Variants in PRPF38B observed in about 807,000 individuals in gnomAD.
PRPF38B encodes pre-mRNA-splicing factor 38B.
In PRPF38B, 18 loss-of-function variants were observed where a neutral mutation model predicts 67.2. That is an observed-to-expected ratio of 0.27 (90% CI 0.19 to 0.40). PRPF38B has a LOEUF of 0.40. Among genes scored for constraint, PRPF38B ranks in the 10% least tolerant of loss-of-function variants. The pLI is 1.00. For synonymous variants in PRPF38B, 246 were observed against 234.2 expected, an observed-to-expected ratio of 1.05 and a Z score of -0.46; for missense variants, 544 against 684.9, an observed-to-expected ratio of 0.79 and a Z score of 2.30.
chr1:108,692,890 C>T (rs1006219042), intron 1 of PRPF38B, 23 bp downstream of exon 1: 2 of 1,594,988 alleles, frequency 1.3e-6, no homozygotes, highest in Admixed American at 1.7e-5. Flanking sequence ...TAGGCCTTGG[C>T]TTTGGGGGTA....
chr1:108,696,996 G>A, intron 4 of PRPF38B: 2 of 503,494 alleles, frequency 4.0e-6, no homozygotes, highest in Admixed American at 3.7e-5. Context: ...TGCATTGGCT[G>A]GGCGTGGTGG....
At chr1:108,694,670 A>G (rs563890433) in intron 1 of PRPF38B, among the ~76,000 whole-genome samples, 2 of 152,348 alleles carry the variant, frequency 1.3e-5, no homozygotes, top group South Asian at 2.1e-4. Context: ...TTTTCTATCT[A>G]AAGCCATTGT....
Position 108,698,781 on chromosome 1 carries a change from G to A in PRPF38B, c.736G>A (p.Glu246Lys). ...RPRKIKKDGK[E>K]GAEEIDRHVE... The stretch of plus-strand genomic sequence containing the variant: ...TAGAAAAATCAAGAAAGATGGGAAG[G>A]AAGGTGCTGAGGAAATAGACAGACA... The change falls in exon 5 of 6, where the codon GAA (glutamate) becomes AAA (lysine). Residue 246 changes from glutamate to lysine, a missense_variant. Physicochemically the swap from Glu to Lys is moderately conservative, Grantham distance 56. This residue lies in a region of PRPF38B where 387 missense variants were observed against 386.1 expected (regional missense o/e 1.00). Coordinates refer to ENST00000370025, the MANE Select transcript of PRPF38B (RefSeq NM_018061.4). 6.2e-7 allele frequency: 1 copy of A among 1,613,920 alleles called. No homozygotes were observed. Among genetic ancestry groups the A allele is most frequent in the Non-Finnish European group, 8.5e-7 (1 of 1,179,886 alleles).
At chr1:108,695,906 G>A in intron 2 of PRPF38B, 136 bp downstream of exon 2, 1 of 1,349,152 alleles carries the variant, frequency 7.4e-7, no homozygotes, top group East Asian at 2.4e-5. Context: ...AGTGAAATAG[G>A]GTTAGAAAAG....
chr1:108,702,286 C>T lies in PRPF38B; in HGVS notation c.*2266C>T, dbSNP rs1022267113. On this transcript the variant is annotated 3_prime_UTR_variant, in exon 6 of 6. Transcript: ENST00000370025. ...GACCACAGGTGCATGCTAGCACACC[C>T]GGCTAATTTGTATTTTTGGTAGGGT... is the stretch of plus-strand genomic sequence containing the variant. 1.3e-5 allele frequency among the ~76,000 whole-genome samples: 2 copies of T among 152,084 alleles called. No homozygotes were observed. The highest frequency in any genetic ancestry group is 2.9e-5 in the Non-Finnish European group (2 of 68,014).
At chr1:108,694,759 G>GT (rs1659693180) in intron 1 of PRPF38B, among the ~76,000 whole-genome samples, 1 of 149,632 alleles carries the variant, frequency 6.7e-6, no homozygotes, top group Admixed American at 6.6e-5. Context: ...TTTTTTTTAT[G>GT]TTTTTAAAAA....
chr1:108,701,968 G>A lies in PRPF38B; in HGVS notation c.*1948G>A, dbSNP rs1386105367. The stretch of plus-strand genomic sequence containing the variant: ...TCTACTTTTAGCATACCTAAATTAT[G>A]GAGCTACTACTTTGGATATGGTTCC... On this transcript the variant is annotated 3_prime_UTR_variant, in exon 6 of 6. Transcript: ENST00000370025. Among the ~76,000 whole-genome samples, 1 of 151,622 alleles carries A rather than the reference G, an allele frequency of 6.6e-6. No individual in the cohort carries two copies. Among genetic ancestry groups the A allele is most frequent in the African/African-American group, 2.4e-5 (1 of 40,896 alleles).
chr1:108,699,816 T>C lies in PRPF38B; in HGVS notation c.1437T>C (p.Thr479=), dbSNP rs1300662916. ...GTCGAAGTGGCAGTCAAGGAAGAAC[T>C]GACAGTGTTGAAAAATCAAAAAAAC... is the stretch of plus-strand genomic sequence containing the variant. ...KRSRSGSQGR[T]DSVEKSKKRE... Residue 479 remains threonine, a synonymous_variant, in exon 6 of 6, where the codon ACT becomes ACC. Transcript: ENST00000370025. 3 of 1,612,732 alleles carry C rather than the reference T, an allele frequency of 1.9e-6. No individual in the cohort carries two copies. Among genetic ancestry groups the C allele is most frequent in the East Asian group, 2.2e-5 (1 of 44,860 alleles).
At position 108,698,270 on chromosome 1, in the gene PRPF38B, G is replaced by A. The variant is rs1397213697; in HGVS notation, c.559-334G>A. ...CAAGGTATATGATGTGTGCAAATAT[G>A]TCCACAGAAATAAATACATAGTAGG... On this transcript the variant is annotated intron_variant, in intron 4 of 5. Coordinates refer to ENST00000370025, the MANE Select transcript of PRPF38B (RefSeq NM_018061.4). The A allele has an allele frequency of 2.5e-5, 5 of 201,844 alleles. No individual in the cohort carries two copies. The Admixed American group carries it at 2.7e-4, about 11-fold the overall frequency. 12.5% of individuals were successfully genotyped at this position (201,844 alleles called of 1,614,324 possible).
At chr1:108,697,844 A>G (rs1460915477) in intron 4 of PRPF38B, 1 of 152,190 alleles carries the variant, frequency 6.6e-6, no homozygotes, top group African/African-American at 2.4e-5. Context: ...AATACTGTAT[A>G]TCTGAACACT....
rs762142919 is a variant in PRPF38B, at chr1:108,699,812, G to T, written c.1433G>T (p.Arg478Ile). ...CGAAGTCGAAGTGGCAGTCAAGGAA[G>T]AACTGACAGTGTTGAAAAATCAAAA... Reference protein sequence around the residue: ...NKRSRSGSQGRTDSVEKSKKR... With the variant: ...NKRSRSGSQGITDSVEKSKKR... The change falls in exon 6 of 6, where the codon AGA (arginine) becomes ATA (isoleucine). Residue 478 changes from arginine to isoleucine, a missense_variant. Arg to Ile is a moderately conservative substitution (Grantham distance 97, BLOSUM62 -3). Transcript: ENST00000370025. The T allele has an allele frequency of 1.9e-6, 3 of 1,613,038 alleles. No individual in the cohort carries two copies. The highest frequency in any genetic ancestry group is 2.2e-5 in the South Asian group (2 of 90,768).
rs756603016 is a variant in PRPF38B, at chr1:108,692,564, TTCCCTCCC to T, written c.-24_-17del. On this transcript the variant is annotated 5_prime_UTR_variant, in exon 1 of 6. Coordinates refer to ENST00000370025, the MANE Select transcript of PRPF38B (RefSeq NM_018061.4). ...GAGCTTGGCCCCCTCCCCCCCCTCCTTCCCTCCCTCCTTCCTTCCGCCGCAACATGGCT... is the reference window on the plus strand; with the variant it reads ...GAGCTTGGCCCCCTCCCCCCCCTCCTTCCTTCCTTCCGCCGCAACATGGCT... 28 of 937,616 alleles carry T rather than the reference TTCCCTCCC, an allele frequency of 3.0e-5. No individual in the cohort carries two copies. The highest frequency in any genetic ancestry group is 3.8e-5 in the Non-Finnish European group (25 of 651,466). 58.1% of individuals were successfully genotyped at this position (937,616 alleles called of 1,614,324 possible). A position where few individuals can be genotyped will look rare whatever the true frequency, so the allele number is the denominator to read the frequency against.
intron 4 of PRPF38B, chr1:108,697,593 C>T (rs1029872800): frequency 2.0e-5 from 3 of 148,872 alleles, no homozygotes; most frequent in Non-Finnish European, 4.4e-5. Flanking sequence ...TCAGAAGAAG[C>T]AAAACGTGTT....
rs1337742101 is a variant in PRPF38B, at chr1:108,702,429, T to TA, written c.*2410dup. 2.6e-5 allele frequency among the ~76,000 whole-genome samples: 4 copies of TA among 152,190 alleles called. No homozygotes were observed. The highest frequency in any genetic ancestry group is 4.8e-5 in the African/African-American group (2 of 41,436). ...GTGAGCCACCACTCCAGTCCCTTCT[T>TA]ACGATTTTTAAATATGTTTGCTTTT... On this transcript the variant is annotated 3_prime_UTR_variant, in exon 6 of 6. Transcript: ENST00000370025.
chr1:108,695,207 T>A (rs1659753150), intron 1 of PRPF38B, among the ~76,000 whole-genome samples: 1 of 152,224 alleles, frequency 6.6e-6, no homozygotes, highest in Non-Finnish European at 1.5e-5. Context: ...TAATGTAGAT[T>A]TTAAATTACA....
Position 108,699,781 on chromosome 1 carries a change from A to G in PRPF38B, c.1402A>G (p.Asn468Asp), listed in dbSNP as rs1219644554. 1 of 1,613,094 alleles carries G rather than the reference A, an allele frequency of 6.2e-7. No homozygotes were observed. The highest frequency in any genetic ancestry group is 1.7e-5 in the Admixed American group (1 of 59,780). Residue 468 changes from asparagine (N) to aspartate (D), a missense_variant, in exon 6 of 6, where the codon AAT becomes GAT. Around this residue, in one of 5 missense-constraint regions of PRPF38B, gnomAD observed 387 missense variants for 386.1 expected, o/e 1.00. Transcript: ENST00000370025. ...TAAAAATGAAAGTAAAGAAAAATCA[A>G]ATAAACGAAGTCGAAGTGGCAGTCA... is the stretch of plus-strand genomic sequence containing the variant. ...KHKNESKEKS[N>D]KRSRSGSQGR...
Position 108,701,900 on chromosome 1 carries a change from A to G in PRPF38B, c.*1880A>G, listed in dbSNP as rs1660534197. ...AGACACCCAGAAGTTAGAAAAACCT[A>G]TTGTATAATATGAAAGCCACTAAAT... On this transcript the variant is annotated 3_prime_UTR_variant, in exon 6 of 6. Coordinates refer to ENST00000370025, the MANE Select transcript of PRPF38B (RefSeq NM_018061.4). 6.6e-6 allele frequency: 1 copy of G among 152,220 alleles called. No individual in the cohort carries two copies. The highest frequency in any genetic ancestry group is 1.5e-5 in the Non-Finnish European group (1 of 68,038). 9.4% of individuals were successfully genotyped at this position (152,220 alleles called of 1,614,324 possible). A position where few individuals can be genotyped will look rare whatever the true frequency, so the allele number is the denominator to read the frequency against.
intron 5 of PRPF38B, 120 bp downstream of exon 5, chr1:108,698,947 T>G (rs1373789288): frequency 7.7e-7 from 1 of 1,299,302 alleles, no homozygotes; most frequent in African/African-American, 1.5e-5. Flanking sequence ...AGTTTGTCAC[T>G]TTTACCCCCC....
Position 108,702,079 on chromosome 1 carries a change from C to G in PRPF38B, c.*2059C>G, listed in dbSNP as rs79375004. On this transcript the variant is annotated 3_prime_UTR_variant, in exon 6 of 6. Coordinates refer to ENST00000370025, the MANE Select transcript of PRPF38B (RefSeq NM_018061.4). ...CATGGAGGTGAAAGAACTATCACCT[C>G]GATTGACAGTTCGATGATCGTCACT... Among the ~76,000 whole-genome samples the G allele has an allele frequency of 6.6e-6, 1 of 152,142 alleles. No homozygotes were observed. Among genetic ancestry groups the G allele is most frequent in the Non-Finnish European group, 1.5e-5 (1 of 68,030 alleles).
Sources: allele counts gnomAD v4.1 joint callset (sites outside exome capture counted in the v4.1 genomes callset), GRCh38; gene constraint gnomAD v4.1.1; regional missense constraint gnomAD v4.1.1; transcripts MANE v1.5; gene names NCBI Gene and HGNC (gene_info 2026-07-23, HGNC 2026-07-21).